Variants in EYS observed in about 807,000 individuals in gnomAD.
EYS encodes protein eyes shut homolog.
Under a neutral mutation model 282.1 loss-of-function variants are expected in EYS, and 250 were observed. That is an observed-to-expected ratio of 0.89 (90% CI 0.80 to 0.98). EYS has a LOEUF of 0.98. EYS is among the 50% of genes least tolerant of loss of function. EYS has a pLI of 0.00. For missense variants in EYS, 4,016 were observed against 3,709.0 expected (o/e 1.08, Z -2.15); for synonymous variants, 1,355 against 1,282.9 (o/e 1.06, Z -1.20).
intron 30 of EYS, among the ~76,000 whole-genome samples, chr6:64,250,973 G>T (rs1029179864): frequency 2.6e-5 from 4 of 152,114 alleles, no homozygotes; most frequent in Non-Finnish European, 5.9e-5. Flanking sequence ...CACGTAAGTA[G>T]ATCAAAAGGC....
intron 14 of EYS, among the ~76,000 whole-genome samples, chr6:64,988,546 T>G (rs1770944605): frequency 6.6e-6 from 1 of 151,554 alleles, no homozygotes; most frequent in African/African-American, 2.4e-5. Flanking sequence ...TCTCTCTTCC[T>G]CCTTCCCTCC....
At chr6:63,862,082 A>C (rs1166898092) in intron 36 of EYS, among the ~76,000 whole-genome samples, 1 of 152,050 alleles carries the variant, frequency 6.6e-6, no homozygotes, top group African/African-American at 2.4e-5. Flanking sequence ...TTCATGGGCC[A>C]TACTCCTTAT....
At chr6:64,315,789 C>T (rs1289261960) in intron 29 of EYS, among the ~76,000 whole-genome samples, 2 of 151,612 alleles carry the variant, frequency 1.3e-5, no homozygotes, top group African/African-American at 2.4e-5. Flanking sequence ...AGGCCAATAT[C>T]CCTATGAACA....
At chr6:64,782,538 T>A (rs1379819519) in intron 22 of EYS, among the ~76,000 whole-genome samples, 2 of 152,206 alleles carry the variant, frequency 1.3e-5, no homozygotes, top group African/African-American at 2.4e-5. Context: ...ATACTCTTTT[T>A]CCTTCTAATT....
At chr6:64,127,607 G>C (rs567105922) in intron 31 of EYS, among the ~76,000 whole-genome samples, 50 of 152,142 alleles carry the variant, frequency 3.3e-4, no homozygotes, top group Admixed American at 3.3e-3. Flanking sequence ...TTGATGTAAA[G>C]TAATTGCTTC....
intron 26 of EYS, among the ~76,000 whole-genome samples, chr6:64,575,498 G>A (rs547663820): frequency 1.5e-4 from 23 of 152,208 alleles, no homozygotes; most frequent in African/African-American, 5.3e-4. Context: ...TCCAGGGAAG[G>A]TGGTAAGAAC....
chr6:65,389,457 GC>G (rs1433443661), intron 7 of EYS, among the ~76,000 whole-genome samples: 3 of 152,120 alleles, frequency 2.0e-5, no homozygotes, highest in Non-Finnish European at 4.4e-5. Context: ...CAAAATATTA[GC>G]TTTTTTGATG....
chr6:64,916,251 C>G (rs186330627), intron 15 of EYS, among the ~76,000 whole-genome samples: 2 of 152,212 alleles, frequency 1.3e-5, no homozygotes, highest in African/African-American at 4.8e-5. Context: ...AAAGAGTTTC[C>G]TAAGAAAAAC....
At chr6:64,996,961 C>G (rs915449141) in intron 14 of EYS, among the ~76,000 whole-genome samples, 2 of 152,132 alleles carry the variant, frequency 1.3e-5, no homozygotes, top group Non-Finnish European at 2.9e-5. Context: ...TGAAGCCAGT[C>G]AGTGAGTGAG....
intron 40 of EYS, among the ~76,000 whole-genome samples, chr6:63,770,924 G>A (rs1402898042): frequency 3.9e-5 from 6 of 152,118 alleles, no homozygotes; most frequent in Admixed American, 3.9e-4. Flanking sequence ...TTCCCCTATG[G>A]CCTTCCTTTC....
intron 2 of EYS, among the ~76,000 whole-genome samples, chr6:65,522,234 T>A (rs995914237): frequency 6.6e-6 from 1 of 152,232 alleles, no homozygotes; most frequent in African/African-American, 2.4e-5. Context: ...AGATTCTATA[T>A]ATTCTGATCT....
At chr6:65,099,030 AAAC>A (rs1471971244) in intron 12 of EYS, among the ~76,000 whole-genome samples, 1 of 150,844 alleles carries the variant, frequency 6.6e-6, no homozygotes, top group African/African-American at 2.4e-5. Flanking sequence ...TGTATAGACC[AAAC>A]AAGAAATGAA....
chr6:64,959,359 T>C (rs1001772336), intron 14 of EYS, among the ~76,000 whole-genome samples: 4 of 152,196 alleles, frequency 2.6e-5, no homozygotes, highest in African/African-American at 9.7e-5. Flanking sequence ...CTCCTCAGAG[T>C]AATCAGGGAT....
At chr6:64,564,035 A>G (rs995341936) in intron 26 of EYS, among the ~76,000 whole-genome samples, 1 of 151,914 alleles carries the variant, frequency 6.6e-6, no homozygotes, top group Non-Finnish European at 1.5e-5. Flanking sequence ...TATCTTAGCT[A>G]TTGTGAATAA....
At chr6:64,409,620 T>G (rs893699897) in intron 28 of EYS, among the ~76,000 whole-genome samples, 1 of 152,172 alleles carries the variant, frequency 6.6e-6, no homozygotes, top group Non-Finnish European at 1.5e-5. Context: ...TTCACCAATT[T>G]TATATGTTGA....
intron 13 of EYS, among the ~76,000 whole-genome samples, chr6:65,023,735 A>C (rs1258782245): frequency 6.6e-6 from 1 of 152,228 alleles, no homozygotes; most frequent in African/African-American, 2.4e-5. Flanking sequence ...TGCAGCATGA[A>C]ATCGCAAGAG....
chr6:64,487,849 A>G (rs189066083), intron 26 of EYS, among the ~76,000 whole-genome samples: 101 of 151,244 alleles, frequency 6.7e-4, no homozygotes, highest in Non-Finnish European at 1.0e-3. Context: ...CAAAACCAAT[A>G]GAAATATAAA....
chr6:65,415,220 T>C (rs1202557633), intron 5 of EYS, among the ~76,000 whole-genome samples: 2 of 151,772 alleles, frequency 1.3e-5, no homozygotes, highest in Non-Finnish European at 2.9e-5. Flanking sequence ...TGGAAAGAGG[T>C]AGTATATAAT....
intron 2 of EYS, among the ~76,000 whole-genome samples, chr6:65,561,964 A>G (rs1769076501): frequency 6.6e-6 from 1 of 151,534 alleles, no homozygotes; most frequent in Non-Finnish European, 1.5e-5. Context: ...ATATTTTACA[A>G]TATCCTAATT....
Sources: allele counts gnomAD v4.1 joint callset (sites outside exome capture counted in the v4.1 genomes callset), GRCh38; gene constraint gnomAD v4.1.1; transcripts MANE v1.5; gene names NCBI Gene and HGNC (gene_info 2026-07-23, HGNC 2026-07-21).